Variants in KDM4C observed in about 807,000 individuals in gnomAD.
KDM4C encodes the protein lysine demethylase 4C.
In KDM4C, 81 loss-of-function variants were observed where a neutral mutation model predicts 129.3. That is an observed-to-expected ratio of 0.63 (90% CI 0.52 to 0.75). The LOEUF is 0.75. KDM4C is among the 30% of genes least tolerant of loss of function. The pLI, the probability that KDM4C is intolerant of heterozygous loss-of-function variation, is 0.00. For missense variants in KDM4C, 1,457 were observed against 1,304.0 expected (o/e 1.12, Z -1.81); for synonymous variants, 573 against 456.1 (o/e 1.26, Z -3.26).
intron 1 of KDM4C, among the ~76,000 whole-genome samples, chr9:6,733,767 C>T (rs1046162743): frequency 6.6e-6 from 1 of 152,178 alleles, no homozygotes; most frequent in Admixed American, 6.5e-5. Flanking sequence ...CCAAGGGCTG[C>T]TGGTTGTCTA....
intron 12 of KDM4C, among the ~76,000 whole-genome samples, chr9:7,003,088 A>G (rs1205486396): frequency 6.6e-6 from 1 of 151,914 alleles, no homozygotes; most frequent in Non-Finnish European, 1.5e-5. Flanking sequence ...CTGGTCTCGA[A>G]CTCCTGACCT....
At chr9:7,141,964 T>A (rs1841788777) in intron 19 of KDM4C, among the ~76,000 whole-genome samples, 1 of 152,184 alleles carries the variant, frequency 6.6e-6, no homozygotes, top group Non-Finnish European at 1.5e-5. Flanking sequence ...TTAACTAACT[T>A]TCACCCATTT....
chr9:6,916,868 G>C (rs986411395), intron 8 of KDM4C, among the ~76,000 whole-genome samples: 1 of 152,150 alleles, frequency 6.6e-6, no homozygotes, highest in African/African-American at 2.4e-5. Context: ...CAACAGCACT[G>C]TATTTTTCTG....
At chr9:7,172,871 A>G (rs553932238) in intron 21 of KDM4C, among the ~76,000 whole-genome samples, 1 of 152,314 alleles carries the variant, frequency 6.6e-6, no homozygotes, top group South Asian at 2.1e-4. Flanking sequence ...CTGTGTGTTG[A>G]TGTCATCAGA....
intron 1 of KDM4C, among the ~76,000 whole-genome samples, chr9:6,762,137 T>C (rs1044040667): frequency 1.3e-5 from 2 of 152,082 alleles, no homozygotes; most frequent in Non-Finnish European, 2.9e-5. Context: ...CTAGGGTACA[T>C]GTGCGCAACG....
At chr9:7,019,982 A>G (rs960446373) in intron 15 of KDM4C, among the ~76,000 whole-genome samples, 2 of 151,918 alleles carry the variant, frequency 1.3e-5, no homozygotes, top group Non-Finnish European at 2.9e-5. Context: ...ATGTCGCTCT[A>G]GACTCAAATT....
chr9:6,849,581 T>C lies in KDM4C; in HGVS notation c.510T>C (p.Ile170=), dbSNP rs1356771671. 1.2e-6 allele frequency: 2 copies of C among 1,614,034 alleles called. No homozygotes were observed. Among genetic ancestry groups the C allele is most frequent in the South Asian group, 2.2e-5 (2 of 91,064 alleles). ...TTGAAGAAGAGTGTGGCATTTCTAT[T>C]GAGGGTGTAAATACCCCATATCTCT... The part of the protein sequence containing the change: ...DVVEEECGIS[I]EGVNTPYLYF... Residue 170 remains isoleucine, a synonymous_variant, in exon 5 of 22, where the codon ATT becomes ATC. Transcript: ENST00000381309.
chr9:6,942,605 T>C (rs12342436), intron 8 of KDM4C: 10,875 of 152,146 alleles, frequency 0.071, 532 homozygotes, highest in East Asian at 0.14. Flanking sequence ...ATGTGTGCTT[T>C]CCCTCCGTTA....
At chr9:6,933,975 G>T (rs1484855597) in intron 8 of KDM4C, among the ~76,000 whole-genome samples, 1 of 151,910 alleles carries the variant, frequency 6.6e-6, no homozygotes, top group Non-Finnish European at 1.5e-5. Context: ...ATAGCCTCCT[G>T]TGTAGCTGGA....
chr9:7,169,943 C>G, intron 21 of KDM4C, 53 bp downstream of exon 21: 1 of 1,611,160 alleles, frequency 6.2e-7, no homozygotes, highest in Non-Finnish European at 8.5e-7. Context: ...TCCTTGTCCT[C>G]ACCTCATGTT....
intron 8 of KDM4C, among the ~76,000 whole-genome samples, chr9:6,913,303 C>T (rs1451740863): frequency 6.6e-6 from 1 of 152,090 alleles, no homozygotes; most frequent in East Asian, 1.9e-4. Context: ...AATTTAAATG[C>T]AAGCAAGTTG....
At chr9:6,898,633 A>G (rs757463125) in intron 8 of KDM4C, among the ~76,000 whole-genome samples, 9 of 152,224 alleles carry the variant, frequency 5.9e-5, no homozygotes, top group Non-Finnish European at 1.2e-4. Flanking sequence ...CAAGTTTAAA[A>G]AGAGATGATA....
At chr9:6,740,491 C>T (rs2130257525) in intron 1 of KDM4C, among the ~76,000 whole-genome samples, 1 of 152,082 alleles carries the variant, frequency 6.6e-6, no homozygotes, top group East Asian at 1.9e-4. Flanking sequence ...GCGTGAGCCA[C>T]TGCGCCTGGC....
intron 10 of KDM4C, among the ~76,000 whole-genome samples, chr9:6,985,786 G>T (rs766045606): frequency 1.3e-5 from 2 of 152,140 alleles, no homozygotes; most frequent in Non-Finnish European, 2.9e-5. Context: ...TGCCTCTCAG[G>T]TTCAAGCGAT....
At chr9:7,023,148 G>C (rs189127104) in intron 15 of KDM4C, among the ~76,000 whole-genome samples, 49 of 152,248 alleles carry the variant, frequency 3.2e-4, no homozygotes, top group African/African-American at 1.2e-3. Context: ...GGGTAATACT[G>C]GCCTCACGGA....
At chr9:6,742,988 G>T (rs2130268354) in intron 1 of KDM4C, among the ~76,000 whole-genome samples, 1 of 152,156 alleles carries the variant, frequency 6.6e-6, no homozygotes, top group South Asian at 2.1e-4. Flanking sequence ...TCCAGCCTGG[G>T]TGACAGGGCG....
At chr9:6,907,347 G>C (rs768934785) in intron 8 of KDM4C, among the ~76,000 whole-genome samples, 1 of 152,018 alleles carries the variant, frequency 6.6e-6, no homozygotes, top group Non-Finnish European at 1.5e-5. Context: ...TCTTTTATGC[G>C]GTCTACTTCT....
At chr9:6,886,053 G>A (rs1039842758) in intron 6 of KDM4C, among the ~76,000 whole-genome samples, 2 of 152,146 alleles carry the variant, frequency 1.3e-5, no homozygotes, top group Non-Finnish European at 2.9e-5. Context: ...GAAGTTTGAT[G>A]GATCCATTTG....
chr9:6,762,586 A>G (rs1306626197), intron 1 of KDM4C, among the ~76,000 whole-genome samples: 1 of 149,232 alleles, frequency 6.7e-6, no homozygotes, highest in East Asian at 1.9e-4. Flanking sequence ...ATATAATTTT[A>G]TAATATAAAT....
Sources: allele counts gnomAD v4.1 joint callset (sites outside exome capture counted in the v4.1 genomes callset), GRCh38; gene constraint gnomAD v4.1.1; transcripts MANE v1.5; gene names NCBI Gene and HGNC (gene_info 2026-07-23, HGNC 2026-07-21).